Variants in PDS5A observed in about 807,000 individuals in gnomAD.
PDS5A encodes PDS5 cohesin associated factor A.
In PDS5A, 42 loss-of-function variants were observed where a neutral mutation model predicts 167.1. The observed-to-expected ratio is 0.25, with a 90% CI of 0.20 to 0.33. PDS5A has a LOEUF of 0.33. Among genes scored for constraint, PDS5A ranks in the 10% least tolerant of loss-of-function variants. The pLI is 1.00. For missense variants in PDS5A, 1,033 were observed against 1,605.9 expected, an observed-to-expected ratio of 0.64 and a Z score of 6.10; for synonymous variants, 553 against 554.6, an observed-to-expected ratio of 1.00 and a Z score of 0.04.
chr4:39,890,769 T>C (rs1721890565), intron 16 of PDS5A, among the ~76,000 whole-genome samples: 1 of 151,372 alleles, frequency 6.6e-6, no homozygotes. Context: ...GGCACGTGCC[T>C]CCATGCCCAG....
intron 2 of PDS5A, among the ~76,000 whole-genome samples, chr4:39,946,957 T>C (rs868394961): frequency 1.3e-5 from 2 of 151,602 alleles, no homozygotes. Context: ...AGGACTACTA[T>C]AGGCTGGAAG....
chr4:39,868,411 C>T (rs925295125), intron 22 of PDS5A, among the ~76,000 whole-genome samples: 9 of 152,234 alleles, frequency 5.9e-5, no homozygotes, highest in African/African-American at 2.2e-4. Context: ...TCACTGCAAC[C>T]TCTACCTCCC....
intron 32 of PDS5A, among the ~76,000 whole-genome samples, chr4:39,826,473 T>TTTTATTTATTTA (rs57090254): frequency 0.22 from 31,028 of 143,606 alleles, 4,186 homozygotes; most frequent in Non-Finnish European, 0.29. Flanking sequence ...CATTCCACAT[T>TTTTATTTATTTA]TTTATTTATT....
intron 9 of PDS5A, among the ~76,000 whole-genome samples, chr4:39,911,811 G>A (rs1021946895): frequency 2.1e-5 from 3 of 145,996 alleles, no homozygotes; most frequent in Admixed American, 7.0e-5. Flanking sequence ...CAGCCTGGGC[G>A]ACAGAGTGAG....
At chr4:39,895,157 G>T (rs139496427) in intron 16 of PDS5A, among the ~76,000 whole-genome samples, 3 of 141,348 alleles carry the variant, frequency 2.1e-5, no homozygotes, top group African/African-American at 7.8e-5. Context: ...AGCCAAGATC[G>T]CGCCACTGCA....
rs1731261456 is a variant in PDS5A, at chr4:39,977,728, G to C, written c.-312C>G. The C allele has an allele frequency of 6.7e-6, 1 of 149,554 alleles. No homozygotes were observed. The highest frequency in any genetic ancestry group is 2.4e-5 in the African/African-American group (1 of 41,154). 9.3% of individuals were successfully genotyped at this position (149,554 alleles called of 1,614,324 possible). ...AAGAGCAGCCTCGAAGGCTCCTCCG[G>C]GAGTGTGTGCGCTTGTGTCCGTCCG... On this transcript the variant is annotated 5_prime_UTR_variant, in exon 1 of 33. Coordinates refer to ENST00000303538, the MANE Select transcript of PDS5A (RefSeq NM_001100399.2). This position sits in a 1 kb window ranked among gnomAD's most constrained non-coding sequence, Gnocchi z 4.2.
intron 26 of PDS5A, among the ~76,000 whole-genome samples, chr4:39,851,508 G>T (rs1718121786): frequency 1.3e-5 from 2 of 152,086 alleles, no homozygotes; most frequent in Admixed American, 1.3e-4. Context: ...GACTGGTCTT[G>T]AACTCCCAGG....
intron 2 of PDS5A, among the ~76,000 whole-genome samples, chr4:39,946,983 G>A (rs1578801007): frequency 6.6e-6 from 1 of 151,862 alleles, no homozygotes; most frequent in East Asian, 1.9e-4. Context: ...GCTCACATCT[G>A]TAAAACCAGC....
In PDS5A at chr4:39,914,667, T is replaced by G. The variant is rs566959499; in HGVS notation, c.877-941A>C. On this transcript the variant is annotated intron_variant, in intron 8 of 32. Transcript: ENST00000303538. ...CTGAAACAGTATATGCGATAAAAAT[T>G]CTGTTCCAGTTTCAGTAGTGATGCC... Among the ~76,000 whole-genome samples, 9 of 152,350 alleles carry G rather than the reference T, an allele frequency of 5.9e-5. No homozygotes were observed. In the South Asian group the frequency reaches 1.7e-3, roughly 28 times the overall value.
chr4:39,864,635 T>C (rs78610582), intron 23 of PDS5A, among the ~76,000 whole-genome samples: 3,773 of 152,278 alleles, frequency 0.025, 160 homozygotes, highest in East Asian at 0.18. Flanking sequence ...CCTGGCACTC[T>C]TGGACAACAG....
At chr4:39,866,555 T>C (rs1339815053) in intron 23 of PDS5A, among the ~76,000 whole-genome samples, 1 of 152,220 alleles carries the variant, frequency 6.6e-6, no homozygotes, top group Non-Finnish European at 1.5e-5. Flanking sequence ...TTTTATGAAG[T>C]AGAAGTTTAA....
chr4:39,963,166 A>G (rs554207085), intron 2 of PDS5A, among the ~76,000 whole-genome samples: 1 of 152,206 alleles, frequency 6.6e-6, no homozygotes, highest in South Asian at 2.1e-4. Context: ...TTAAAAATAC[A>G]AAAATTAGGC....
At chr4:39,889,342 T>C (rs866271239) in intron 17 of PDS5A, among the ~76,000 whole-genome samples, 1 of 152,170 alleles carries the variant, frequency 6.6e-6, no homozygotes, top group Non-Finnish European at 1.5e-5. Context: ...TGTGAGAAAA[T>C]AAATTTCTTT....
At chr4:39,962,193 G>A (rs1475654985) in intron 2 of PDS5A, among the ~76,000 whole-genome samples, 1 of 152,124 alleles carries the variant, frequency 6.6e-6, no homozygotes, top group Non-Finnish European at 1.5e-5. Flanking sequence ...CAGCAGCTGG[G>A]ACTACAGACA....
intron 32 of PDS5A, chr4:39,837,023 G>T (rs1233095454): frequency 1.4e-5 from 2 of 144,812 alleles, no homozygotes; most frequent in Non-Finnish European, 3.0e-5. Flanking sequence ...GTAGAGATGG[G>T]GTTTCACCAT....
intron 31 of PDS5A, among the ~76,000 whole-genome samples, chr4:39,840,658 C>T (rs975905486): frequency 4.0e-5 from 6 of 151,196 alleles, no homozygotes; most frequent in African/African-American, 1.2e-4. Context: ...GGCCTCCCAA[C>T]GTGTTGGAAT....
At chr4:39,963,528 A>T (rs1315799441) in intron 2 of PDS5A, among the ~76,000 whole-genome samples, 3 of 151,858 alleles carry the variant, frequency 2.0e-5, no homozygotes, top group Non-Finnish European at 4.4e-5. Flanking sequence ...ATAATAATAA[A>T]GCAAGGATTA....
rs778858016 is a variant in PDS5A at position 39,864,191 on chromosome 4, T to TA, written c.2643-733dup. On this transcript the variant is annotated intron_variant, in intron 23 of 32. Coordinates refer to ENST00000303538, the MANE Select transcript of PDS5A (RefSeq NM_001100399.2). Reference sequence around the variant, plus strand: ...CTTGATTAAAAAAACCACAAAGAATTAAAAAAAAAATCACCTATCATCATT... The same window carrying TA: ...CTTGATTAAAAAAACCACAAAGAATTAAAAAAAAAAATCACCTATCATCATT... Among the ~76,000 whole-genome samples the TA allele has an allele frequency of 1.1e-3, 159 of 148,956 alleles. 2 individuals are homozygous for TA. In the East Asian group the frequency reaches 0.013, roughly 12 times the overall value.
Position 39,949,821 on chromosome 4 carries a change from G to GA in PDS5A, c.139-21658dup, listed in dbSNP as rs59869303. 7.6e-4 allele frequency among the ~76,000 whole-genome samples: 51 copies of GA among 67,202 alleles called. 3 individuals carry two copies. The highest frequency in any genetic ancestry group is 1.9e-3 in the African/African-American group (34 of 18,092). 44.1% of individuals were successfully genotyped at this position (67,202 alleles called of 152,430 possible). On this transcript the variant is annotated intron_variant, in intron 2 of 32. Transcript: ENST00000303538. ...GGCGACAGAATAAGACTCTGTCTCA[G>GA]AAAAAAAAAAAAAAGAAAAACACCA...
Sources: allele counts gnomAD v4.1 joint callset (sites outside exome capture counted in the v4.1 genomes callset), GRCh38; gene constraint gnomAD v4.1.1; non-coding constraint Gnocchi (gnomAD v3.1); transcripts MANE v1.5; gene names NCBI Gene and HGNC (gene_info 2026-07-23, HGNC 2026-07-21).